MAP3K5: variants seen among roughly 807,000 people sequenced by gnomAD.
MAP3K5 encodes mitogen-activated protein kinase kinase kinase 5.
A neutral mutation model predicts 158.7 loss-of-function variants in MAP3K5; 56 were observed. The ratio of observed to expected loss-of-function variants is 0.35; its 90% CI spans 0.28 to 0.44. The LOEUF is 0.44. MAP3K5 is among the 20% of genes least tolerant of loss of function. The probability of loss-of-function intolerance (pLI) is 1.00; values close to 1 mark genes in which losing one functional copy is unlikely to be tolerated. For synonymous variants in MAP3K5, 579 were observed against 601.7 expected, an observed-to-expected ratio of 0.96 and a Z score of 0.55; for missense variants, 1,294 against 1,674.8, an observed-to-expected ratio of 0.77 and a Z score of 3.97.
At chr6:136,647,477 T>C (rs1490273793) in intron 11 of MAP3K5, among the ~76,000 whole-genome samples, 1 of 152,238 alleles carries the variant, frequency 6.6e-6, no homozygotes, top group Non-Finnish European at 1.5e-5. Flanking sequence ...ATTCACATTC[T>C]GTTCTGCCTT....
intron 1 of MAP3K5, among the ~76,000 whole-genome samples, chr6:136,731,010 C>T (rs1166012748): frequency 6.6e-6 from 1 of 152,172 alleles, no homozygotes; most frequent in African/African-American, 2.4e-5. Context: ...CCACACGTGA[C>T]AACATGGATG....
At chr6:136,652,616 A>G (rs1778568926) in intron 10 of MAP3K5, among the ~76,000 whole-genome samples, 1 of 152,206 alleles carries the variant, frequency 6.6e-6, no homozygotes, top group Non-Finnish European at 1.5e-5. Context: ...AACTCTCTTC[A>G]TTGACAAGTG....
intron 4 of MAP3K5, 117 bp from the exon 5 acceptor site, chr6:136,697,504 T>C: frequency 1.3e-6 from 1 of 794,648 alleles, no homozygotes; most frequent in Non-Finnish European, 1.9e-6. Context: ...GCATTTGTAG[T>C]TTTCAGTTCA....
chr6:136,632,470 T>C (rs1562563786), intron 14 of MAP3K5, among the ~76,000 whole-genome samples: 1 of 152,068 alleles, frequency 6.6e-6, no homozygotes, highest in Non-Finnish European at 1.5e-5. Context: ...TGAGCCGAGA[T>C]TGCGCCACTG....
At chr6:136,737,018 TAC>T (rs1782490563) in intron 1 of MAP3K5, among the ~76,000 whole-genome samples, 1 of 144,636 alleles carries the variant, frequency 6.9e-6, no homozygotes, top group Non-Finnish European at 1.5e-5. Flanking sequence ...AAATTAATTT[TAC>T]ATATATATAT....
intron 23 of MAP3K5, among the ~76,000 whole-genome samples, chr6:136,590,267 TATA>T (rs1347888979): frequency 6.6e-6 from 1 of 152,198 alleles, no homozygotes; most frequent in African/African-American, 2.4e-5. Context: ...CTCTTTTCTT[TATA>T]AATTACTGAG....
intron 1 of MAP3K5, among the ~76,000 whole-genome samples, chr6:136,762,773 T>C (rs774049966): frequency 4.6e-5 from 7 of 152,120 alleles, no homozygotes; most frequent in Admixed American, 1.3e-4. Flanking sequence ...AATGTCTGCA[T>C]TGCCCCTGGG....
chr6:136,593,348 T>C (rs931994630), intron 21 of MAP3K5, among the ~76,000 whole-genome samples: 1 of 152,196 alleles, frequency 6.6e-6, no homozygotes, highest in Admixed American at 6.5e-5. Flanking sequence ...GAAAGCTTCA[T>C]AGGTTGCTCT....
intron 14 of MAP3K5, chr6:136,630,113 C>T (rs182393459): frequency 6.6e-6 from 1 of 152,380 alleles, no homozygotes; most frequent in Non-Finnish European, 1.5e-5. Context: ...GTCCCTGCTA[C>T]ACTGTAACTT....
Position 136,629,897 on chromosome 6 carries a change from G to A in MAP3K5, c.2017-6916C>T, listed in dbSNP as rs187774234. Among the ~76,000 whole-genome samples, 651 of 151,856 alleles carry A rather than the reference G, an allele frequency of 4.3e-3. 8 individuals are homozygous for A. The highest frequency in any genetic ancestry group is 0.015 in the African/African-American group (621 of 41,372). On this transcript the variant is annotated intron_variant, in intron 14 of 29. Coordinates refer to ENST00000359015, the MANE Select transcript of MAP3K5 (RefSeq NM_005923.4). ...CTCCCGAGTAGCTGGGATTACAGGCGCTTGCCACCATGCCCGGCTAATTTT... is the reference window on the plus strand; with the variant it reads ...CTCCCGAGTAGCTGGGATTACAGGCACTTGCCACCATGCCCGGCTAATTTT...
At chr6:136,687,374 C>A (rs1780194369) in intron 7 of MAP3K5, among the ~76,000 whole-genome samples, 1 of 152,152 alleles carries the variant, frequency 6.6e-6, no homozygotes, top group Non-Finnish European at 1.5e-5. Flanking sequence ...GCAAAGACTT[C>A]ATGACTAAAA....
intron 7 of MAP3K5, among the ~76,000 whole-genome samples, chr6:136,684,372 C>A (rs1044803002): frequency 6.6e-6 from 1 of 152,032 alleles, no homozygotes; most frequent in Non-Finnish European, 1.5e-5. Context: ...CCTATGTGAG[C>A]AAATACTGCA....
At chr6:136,763,856 G>A (rs1369625454) in intron 1 of MAP3K5, among the ~76,000 whole-genome samples, 1 of 151,994 alleles carries the variant, frequency 6.6e-6, no homozygotes, top group East Asian at 1.9e-4. Context: ...CGCAGGAGTG[G>A]GACTGGTGAC....
intron 11 of MAP3K5, among the ~76,000 whole-genome samples, chr6:136,650,675 GTTC>G (rs1188916776): frequency 3.2e-4 from 49 of 152,316 alleles, no homozygotes; most frequent in African/African-American, 1.1e-3. Flanking sequence ...TTAAGTATTA[GTTC>G]TTCGGTGCAT....
At chr6:136,753,813 T>C (rs1783329960) in intron 1 of MAP3K5, among the ~76,000 whole-genome samples, 1 of 152,092 alleles carries the variant, frequency 6.6e-6, no homozygotes. Context: ...AGGATGCACT[T>C]GAGGGTAGAT....
chr6:136,773,501 G>A (rs185259631), intron 1 of MAP3K5, among the ~76,000 whole-genome samples: 1 of 152,256 alleles, frequency 6.6e-6, no homozygotes, highest in East Asian at 1.9e-4. Flanking sequence ...CTTCGGACAA[G>A]CCCTCTTTGC....
At chr6:136,657,154 A>C (rs1047866180) in intron 9 of MAP3K5, among the ~76,000 whole-genome samples, 3 of 152,218 alleles carry the variant, frequency 2.0e-5, no homozygotes, top group Non-Finnish European at 2.9e-5. Context: ...TAGACACTTC[A>C]TAAGAGATCA....
intron 11 of MAP3K5, among the ~76,000 whole-genome samples, chr6:136,650,681 C>T (rs1425142369): frequency 3.3e-5 from 5 of 152,146 alleles, no homozygotes; most frequent in African/African-American, 4.8e-5. Context: ...ATTAGTTCTT[C>T]GGTGCATAAC....
At chr6:136,620,520 G>A (rs1225133383) in intron 15 of MAP3K5, among the ~76,000 whole-genome samples, 1 of 152,156 alleles carries the variant, frequency 6.6e-6, no homozygotes, top group Non-Finnish European at 1.5e-5. Context: ...GGGGTAGACA[G>A]GTAACCTGGG....
Sources: gnomAD v4.1 joint callset for allele counts (sites outside exome capture counted in the v4.1 genomes callset) on GRCh38, gnomAD v4.1.1 for gene constraint, MANE v1.5 for transcripts, NCBI Gene and HGNC (gene_info 2026-07-23, HGNC 2026-07-21) for gene names.